The following THADA variants were observed in gnomAD, a reference collection of about 807,000 sequenced individuals.
The protein encoded by THADA is tRNA (32-2'-O)-methyltransferase regulator THADA.
Under a neutral mutation model 219.8 loss-of-function variants are expected in THADA, and 213 were observed. The ratio of observed to expected loss-of-function variants is 0.97; its 90% CI spans 0.87 to 1.09. The LOEUF (loss-of-function observed/expected upper bound fraction) is 1.09. THADA is among the 50% of genes least tolerant of loss of function. The probability of loss-of-function intolerance (pLI) is 0.00; values close to 1 mark genes in which losing one functional copy is unlikely to be tolerated. For missense variants in THADA, 2,956 were observed against 2,311.3 expected, an observed-to-expected ratio of 1.28 and a Z score of -5.72; for synonymous variants, 1,018 against 828.9, an observed-to-expected ratio of 1.23 and a Z score of -3.92.
At chr2:43,577,447 G>T (rs1048432503) in intron 9 of THADA, among the ~76,000 whole-genome samples, 5 of 151,244 alleles carry the variant, frequency 3.3e-5, no homozygotes, top group Non-Finnish European at 7.4e-5. Context: ...GATTTTGCTG[G>T]TTGGAATGTA....
chr2:43,445,718 G>A (rs532337863), intron 26 of THADA, among the ~76,000 whole-genome samples: 1 of 152,252 alleles, frequency 6.6e-6, no homozygotes, highest in South Asian at 2.1e-4. Context: ...TGTCACCCAG[G>A]CTAAGAGTGC....
intron 22 of THADA, among the ~76,000 whole-genome samples, chr2:43,518,744 C>T (rs1692041863): frequency 6.6e-6 from 1 of 152,104 alleles, no homozygotes; most frequent in African/African-American, 2.4e-5. Context: ...CCTCTAGGCC[C>T]ATAGCTTCAT....
intron 23 of THADA, among the ~76,000 whole-genome samples, chr2:43,507,631 G>C (rs1033953889): frequency 3.3e-5 from 5 of 152,152 alleles, no homozygotes; most frequent in Non-Finnish European, 7.4e-5. Flanking sequence ...AGGAATTTGA[G>C]GGAGGAGTAA....
chr2:43,412,620 T>A (rs556393645), intron 28 of THADA, among the ~76,000 whole-genome samples: 1 of 152,316 alleles, frequency 6.6e-6, no homozygotes, highest in African/African-American at 2.4e-5. Context: ...AAGCATTTCA[T>A]TTATTATTCA....
At chr2:43,407,220 C>T (rs939149086) in intron 28 of THADA, among the ~76,000 whole-genome samples, 1 of 152,254 alleles carries the variant, frequency 6.6e-6, no homozygotes, top group Admixed American at 6.5e-5. Flanking sequence ...ATTGATTTTT[C>T]AGTTCACAAA....
At chr2:43,338,451 C>T (rs1666726907) in intron 30 of THADA, among the ~76,000 whole-genome samples, 1 of 152,124 alleles carries the variant, frequency 6.6e-6, no homozygotes, top group Non-Finnish European at 1.5e-5. Flanking sequence ...GCCACTGTAC[C>T]CAGCCTCCAG....
At chr2:43,411,566 G>A (rs912380902) in intron 28 of THADA, among the ~76,000 whole-genome samples, 9 of 152,134 alleles carry the variant, frequency 5.9e-5, no homozygotes, top group African/African-American at 2.2e-4. Context: ...ATCATGAAAA[G>A]GTAATTGTCA....
intron 26 of THADA, among the ~76,000 whole-genome samples, chr2:43,476,247 G>A (rs1236342041): frequency 6.6e-6 from 1 of 152,170 alleles, no homozygotes; most frequent in African/African-American, 2.4e-5. Context: ...AAATGCTGTT[G>A]CTCTTAAAAA....
rs1193283059 is a variant in THADA at position 43,336,648 on chromosome 2, TG to T, written c.4343+7473del. Among the ~76,000 whole-genome samples, 8 of 152,154 alleles carry T rather than the reference TG, an allele frequency of 5.3e-5. No individual in the cohort carries two copies. The East Asian group carries it at 1.5e-3, about 29-fold the overall frequency. ...ACCACACCACAGTATCAGGTTTAAATGGTACTTCTGAGGGCCAGTGAGATAA... is the reference window on the plus strand; with the variant it reads ...ACCACACCACAGTATCAGGTTTAAATGTACTTCTGAGGGCCAGTGAGATAA... On this transcript the variant is annotated intron_variant, in intron 30 of 37. Transcript: ENST00000405975.
intron 30 of THADA, among the ~76,000 whole-genome samples, chr2:43,331,183 C>T (rs576293350): frequency 1.7e-4 from 26 of 152,310 alleles, no homozygotes; most frequent in African/African-American, 6.0e-4. Context: ...CTGGATTAGA[C>T]GATCTCTAAA....
intron 26 of THADA, among the ~76,000 whole-genome samples, chr2:43,457,189 CAGTG>C (rs1205458486): frequency 4.1e-5 from 6 of 145,020 alleles, no homozygotes; most frequent in Non-Finnish European, 9.1e-5. Flanking sequence ...CACACATGCA[CAGTG>C]AGTGAGGTGA....
intron 26 of THADA, among the ~76,000 whole-genome samples, chr2:43,443,826 G>T (rs1193085914): frequency 6.6e-6 from 1 of 152,188 alleles, no homozygotes; most frequent in Non-Finnish European, 1.5e-5. Context: ...GGCCCTTGGG[G>T]AAACACAGAA....
intron 30 of THADA, among the ~76,000 whole-genome samples, chr2:43,337,692 C>CAT (rs1323911189): frequency 4.9e-5 from 7 of 143,712 alleles, no homozygotes; most frequent in South Asian, 2.3e-4. Flanking sequence ...CACACACACT[C>CAT]ATACACACAC....
intron 8 of THADA, among the ~76,000 whole-genome samples, chr2:43,579,243 C>G (rs11888640): frequency 1.3e-5 from 2 of 151,682 alleles, no homozygotes; most frequent in Admixed American, 1.3e-4. Flanking sequence ...AAACACCTAA[C>G]AGCAACACCA....
At chr2:43,386,163 G>A (rs1265626114) in intron 29 of THADA, among the ~76,000 whole-genome samples, 1 of 152,118 alleles carries the variant, frequency 6.6e-6, no homozygotes, top group Non-Finnish European at 1.5e-5. Flanking sequence ...AAAAAAAGTG[G>A]AGGATGAAGC....
At chr2:43,386,370 T>C (rs1672686521) in intron 29 of THADA, among the ~76,000 whole-genome samples, 1 of 152,192 alleles carries the variant, frequency 6.6e-6, no homozygotes. Flanking sequence ...GAGCCTTCAT[T>C]TTAATATAAT....
At chr2:43,559,055 T>C (rs1346445723) in intron 16 of THADA, among the ~76,000 whole-genome samples, 1 of 152,176 alleles carries the variant, frequency 6.6e-6, no homozygotes, top group African/African-American at 2.4e-5. Flanking sequence ...TCCATCCAGG[T>C]ACTCTCAAAA....
chr2:43,239,222 A>G (rs1668370135), intron 36 of THADA, among the ~76,000 whole-genome samples: 1 of 152,232 alleles, frequency 6.6e-6, no homozygotes, highest in Admixed American at 6.5e-5. Flanking sequence ...GGGCTGCTGC[A>G]GTATAGCCTT....
rs35970227 is a variant in THADA, at chr2:43,454,602, AACACAC to A, written c.3837-24306_3837-24301del. On this transcript the variant is annotated intron_variant, in intron 26 of 37. Coordinates refer to ENST00000405975, the MANE Select transcript of THADA (RefSeq NM_022065.5). ...CAGTGACAGAAGGAGACCCTGTCTA[AACACAC>A]ACACACACACACACACACACACTAA... Among the ~76,000 whole-genome samples the A allele has an allele frequency of 1.2e-3, 174 of 149,074 alleles. 1 individual carries two copies. Among genetic ancestry groups the A allele is most frequent in the Admixed American group, 2.1e-3 (32 of 14,918 alleles).
Sources: allele counts gnomAD v4.1 joint callset (sites outside exome capture counted in the v4.1 genomes callset), GRCh38; gene constraint gnomAD v4.1.1; transcripts MANE v1.5; gene names NCBI Gene and HGNC (gene_info 2026-07-23, HGNC 2026-07-21).